LGR4: variants seen among roughly 807,000 people sequenced by gnomAD.
LGR4 encodes leucine rich repeat containing G protein-coupled receptor 4.
LGR4 carries 44 observed loss-of-function variants against 84.8 expected under a neutral mutation model. That is an observed-to-expected ratio of 0.52 (90% confidence interval 0.41 to 0.67). The LOEUF (loss-of-function observed/expected upper bound fraction) is 0.67. Ranked by LOEUF, LGR4 falls within the 30% of genes least tolerant of loss-of-function variation. The pLI is 0.00. For missense variants in LGR4, 1,032 were observed against 1,131.4 expected (o/e 0.91, Z 1.26); for synonymous variants, 429 against 434.3 (o/e 0.99, Z 0.15).
In LGR4 at chr11:27,369,145, T is replaced by TAA. The variant is rs746797439; in HGVS notation, c.1580-4_1580-3dup. The stretch of plus-strand genomic sequence containing the variant: ...AATATTCACAGGGCTTAAAAGCACC[T>TAA]AAAAAAAACACACACAGAGAGAGAG... On this transcript the variant is annotated splice_polypyrimidine_tract_variant and splice_region_variant and intron_variant, in intron 17 of 17. Coordinates refer to ENST00000379214, the MANE Select transcript of LGR4 (RefSeq NM_018490.5). 2 of 1,569,428 alleles carry TAA rather than the reference T, an allele frequency of 1.3e-6. No individual in the cohort carries two copies. Among genetic ancestry groups the TAA allele is most frequent in the Non-Finnish European group, 1.7e-6 (2 of 1,161,770 alleles).
At chr11:27,392,410 A>ACAG in intron 3 of LGR4, 37 bp downstream of exon 3, 2 of 1,482,348 alleles carry the variant, frequency 1.3e-6, no homozygotes, top group Non-Finnish European at 1.8e-6. Context: ...AAGAAAATAC[A>ACAG]CAGCCAGCTG....
At chr11:27,378,965 CA>C in intron 10 of LGR4, 197 bp from the exon 11 acceptor site, 1 of 565,494 alleles carries the variant, frequency 1.8e-6, no homozygotes, top group Non-Finnish European at 3.1e-6. Context: ...CACAGTAACT[CA>C]AAAACACTTG....
Position 27,368,596 on chromosome 11 carries a change from C to G in LGR4, c.2127G>C (p.Thr709=), listed in dbSNP as rs750570548. 1 of 1,613,760 alleles carries G rather than the reference C, an allele frequency of 6.2e-7. No homozygotes were observed. The highest frequency in any genetic ancestry group is 1.1e-5 in the South Asian group (1 of 91,042). ...GETPSLGFTV[T]LVLLNSLAFL... is the part of the protein sequence containing the mutation. ...ATGCTAGTGAGTTTAATAGCACTAA[C>G]GTTACAGTGAATCCTAATGATGGCG... Residue 709 remains threonine (T), a synonymous_variant, in exon 18 of 18, where the codon ACG becomes ACC. Coordinates refer to ENST00000379214, the MANE Select transcript of LGR4 (RefSeq NM_018490.5).
chr11:27,467,252 A>G (rs1013982957), intron 1 of LGR4, among the ~76,000 whole-genome samples: 3 of 152,110 alleles, frequency 2.0e-5, no homozygotes, highest in South Asian at 4.1e-4. Flanking sequence ...AACACAATAG[A>G]GAGGACCCAA....
intron 1 of LGR4, among the ~76,000 whole-genome samples, chr11:27,426,428 A>G (rs1272496266): frequency 6.6e-6 from 1 of 152,204 alleles, no homozygotes; most frequent in Non-Finnish European, 1.5e-5. Flanking sequence ...TTCAAAATAC[A>G]GGCTTTATCC....
At chr11:27,453,131 C>T (rs1263076640) in intron 1 of LGR4, among the ~76,000 whole-genome samples, 2 of 151,812 alleles carry the variant, frequency 1.3e-5, no homozygotes, top group African/African-American at 2.4e-5. Context: ...TGCAGTGGTG[C>T]GATCTCAGCT....
intron 1 of LGR4, among the ~76,000 whole-genome samples, chr11:27,419,507 T>C (rs1863883937): frequency 6.6e-6 from 1 of 151,096 alleles, no homozygotes; most frequent in South Asian, 2.1e-4. Context: ...AGTTTGGTAA[T>C]TTCTTATAAA....
intron 12 of LGR4, 98 bp from the exon 13 acceptor site, chr11:27,376,468 T>G (rs76387311): frequency 0.014 from 7,590 of 551,176 alleles, 331 homozygotes; most frequent in African/African-American, 0.1. Flanking sequence ...AGAAAAAAGT[T>G]ACTTTCTATT....
chr11:27,404,849 C>CAAAAGTAGAGACAACA (rs1306767013), intron 2 of LGR4, among the ~76,000 whole-genome samples: 2 of 152,154 alleles, frequency 1.3e-5, no homozygotes, highest in African/African-American at 2.4e-5. Flanking sequence ...AGCCAGAACA[C>CAAAAGTAGAGACAACA]AAAAGTAGAG....
At chr11:27,400,952 G>C (rs925262477) in intron 2 of LGR4, among the ~76,000 whole-genome samples, 5 of 152,170 alleles carry the variant, frequency 3.3e-5, no homozygotes, top group African/African-American at 9.6e-5. Context: ...AAGCACATCA[G>C]AACAGTCCTA....
chr11:27,430,279 C>G (rs1019316760), intron 1 of LGR4, among the ~76,000 whole-genome samples: 2 of 152,020 alleles, frequency 1.3e-5, no homozygotes, highest in East Asian at 3.9e-4. Context: ...ATTTAAATTA[C>G]CAGTTGAGTC....
chr11:27,395,460 A>T (rs987194665), intron 2 of LGR4, among the ~76,000 whole-genome samples: 1 of 152,192 alleles, frequency 6.6e-6, no homozygotes, highest in Admixed American at 6.5e-5. Flanking sequence ...TAGCCAAAAT[A>T]TTTGCTTCCT....
At chr11:27,402,644 A>G (rs1351540197) in intron 2 of LGR4, among the ~76,000 whole-genome samples, 1 of 152,204 alleles carries the variant, frequency 6.6e-6, no homozygotes, top group Non-Finnish European at 1.5e-5. Context: ...TCCAGGCAAC[A>G]ATATACCCAG....
chr11:27,450,164 T>C (rs562257136), intron 1 of LGR4, among the ~76,000 whole-genome samples: 1 of 152,200 alleles, frequency 6.6e-6, no homozygotes, highest in African/African-American at 2.4e-5. Context: ...GCTGTTAATA[T>C]TAAGGACAAC....
chr11:27,372,876 T>TA (rs1862911464), intron 15 of LGR4: 1 of 152,432 alleles, frequency 6.6e-6, no homozygotes, highest in Non-Finnish European at 1.4e-5. Context: ...CTCTTTTTTT[T>TA]AGAGACAGGG....
chr11:27,455,366 G>C (rs963750881), intron 1 of LGR4, among the ~76,000 whole-genome samples: 2 of 152,150 alleles, frequency 1.3e-5, no homozygotes, highest in Admixed American at 6.5e-5. Flanking sequence ...AGTACACAAA[G>C]AAGGGAGGAA....
intron 1 of LGR4, among the ~76,000 whole-genome samples, chr11:27,427,653 C>T (rs1438773021): frequency 6.6e-6 from 1 of 152,120 alleles, no homozygotes; most frequent in Non-Finnish European, 1.5e-5. Context: ...ATTCCTACAC[C>T]TTTGCAACTA....
chr11:27,403,833 A>G (rs1432628738), intron 2 of LGR4, among the ~76,000 whole-genome samples: 2 of 152,224 alleles, frequency 1.3e-5, no homozygotes, highest in Non-Finnish European at 2.9e-5. Flanking sequence ...AAGCATTTTT[A>G]TAACTATGAT....
In LGR4 at chr11:27,449,207, G is replaced by C. The variant is rs574895201; in HGVS notation, c.185+22911C>G. 3.9e-5 allele frequency among the ~76,000 whole-genome samples: 6 copies of C among 152,234 alleles called. No homozygotes were observed. The South Asian group carries it at 1.2e-3, about 32-fold the overall frequency. On this transcript the variant is annotated intron_variant, in intron 1 of 17. Transcript: ENST00000379214. Reference sequence around the variant, plus strand: ...TTAAGTATAATGAGTGAATCCTCAAGACATGCCTAAGAGTTTATTTTTTAA... The same window carrying C: ...TTAAGTATAATGAGTGAATCCTCAACACATGCCTAAGAGTTTATTTTTTAA...
Sources: allele counts gnomAD v4.1 joint callset (sites outside exome capture counted in the v4.1 genomes callset), GRCh38; gene constraint gnomAD v4.1.1; transcripts MANE v1.5; gene names NCBI Gene and HGNC (gene_info 2026-07-23, HGNC 2026-07-21).